The following PLEKHA5 variants were observed in gnomAD, a reference collection of about 807,000 sequenced individuals.
PLEKHA5 encodes pleckstrin homology domain-containing family A member 5.
PLEKHA5 carries 55 observed loss-of-function variants against 181.9 expected under a neutral mutation model. The ratio of observed to expected loss-of-function variants is 0.30; its 90% CI spans 0.24 to 0.38. The LOEUF is 0.38. PLEKHA5 is among the 10% of genes least tolerant of loss of function. The probability of loss-of-function intolerance (pLI) is 1.00; values close to 1 mark genes in which losing one functional copy is unlikely to be tolerated. For missense variants in PLEKHA5, 1,432 were observed against 1,549.5 expected, an observed-to-expected ratio of 0.92 and a Z score of 1.27; for synonymous variants, 535 against 529.4, an observed-to-expected ratio of 1.01 and a Z score of -0.15.
At chr12:19,337,517 C>G (rs2093531798) in intron 21 of PLEKHA5, among the ~76,000 whole-genome samples, 1 of 144,804 alleles carries the variant, frequency 6.9e-6, no homozygotes, top group Non-Finnish European at 1.5e-5. Flanking sequence ...CCACTGTACT[C>G]CAGCCTGAGC....
intron 3 of PLEKHA5, among the ~76,000 whole-genome samples, chr12:19,204,195 AG>A (rs2054850293): frequency 6.6e-6 from 1 of 152,078 alleles, no homozygotes. Context: ...GATTTACAAT[AG>A]GGAAGTAATA....
chr12:19,188,563 T>G (rs4544058), intron 3 of PLEKHA5, among the ~76,000 whole-genome samples: 135,282 of 152,176 alleles, frequency 0.89, 60,946 homozygotes, highest in Non-Finnish European at 0.97. Flanking sequence ...GTTCTGAAAT[T>G]TTATTGATGC....
chr12:19,164,870 C>A (rs1432632614), intron 3 of PLEKHA5, among the ~76,000 whole-genome samples: 1 of 152,064 alleles, frequency 6.6e-6, no homozygotes, highest in Non-Finnish European at 1.5e-5. Context: ...TCCATTTCTA[C>A]TTGCGGATGT....
At chr12:19,261,365 A>G (rs1323468462) in intron 7 of PLEKHA5, among the ~76,000 whole-genome samples, 1 of 152,182 alleles carries the variant, frequency 6.6e-6, no homozygotes, top group Non-Finnish European at 1.5e-5. Context: ...GGGTCCTTCA[A>G]GCACCCAATT....
intron 3 of PLEKHA5, among the ~76,000 whole-genome samples, chr12:19,205,977 A>G (rs1162957527): frequency 6.6e-6 from 1 of 152,134 alleles, no homozygotes; most frequent in Non-Finnish European, 1.5e-5. Flanking sequence ...AATACAGTTG[A>G]TCATATAAAC....
At chr12:19,322,692 A>G (rs372995417) in intron 20 of PLEKHA5, 25 bp downstream of exon 20, 99 of 1,571,630 alleles carry the variant, frequency 6.3e-5, no homozygotes, top group Non-Finnish European at 8.0e-5. Flanking sequence ...TTTTTCCCCT[A>G]ATAAAAGTAG....
At chr12:19,200,571 C>T in intron 3 of PLEKHA5, 1 of 1,236,366 alleles carries the variant, frequency 8.1e-7, no homozygotes. Flanking sequence ...CCTAGTAGAT[C>T]ATACCTTGGA....
chr12:19,230,611 C>T lies in PLEKHA5; in HGVS notation c.228-23329C>T, dbSNP rs949061754. ...CAGCTGCTGGCCTGGGTGCTAAGCC[C>T]CTCACTGCCTGGGGCCAGCAATGCC... On this transcript the variant is annotated intron_variant, in intron 3 of 31. Transcript: ENST00000429027. Among the ~76,000 whole-genome samples the T allele has an allele frequency of 1.4e-4, 22 of 152,196 alleles. 1 individual carries two copies. Among genetic ancestry groups the T allele is most frequent in the Non-Finnish European group, 2.6e-4 (18 of 68,030 alleles).
At chr12:19,131,672 AC>A in intron 2 of PLEKHA5, among the ~76,000 whole-genome samples, 1 of 148,294 alleles carries the variant, frequency 6.7e-6, no homozygotes, top group East Asian at 2.0e-4. Context: ...ATGTGATTTC[AC>A]TTTTTTTTTT....
intron 3 of PLEKHA5, among the ~76,000 whole-genome samples, chr12:19,174,629 T>A (rs1405875345): frequency 6.6e-6 from 1 of 152,180 alleles, no homozygotes; most frequent in Non-Finnish European, 1.5e-5. Context: ...TACTGACCGA[T>A]GAGCTGATAC....
At position 19,344,105 on chromosome 12, in the gene PLEKHA5, G is replaced by A. The variant is rs1351859581; in HGVS notation, c.2662+671G>A. On this transcript the variant is annotated intron_variant, in intron 22 of 31. Transcript: ENST00000429027. ...ATTATAATCTTATGGGACCACTGTC[G>A]TATATGTAGTCTGTTGCTGACCAAA... is the stretch of plus-strand genomic sequence containing the variant. Among the ~76,000 whole-genome samples, 4 of 151,832 alleles carry A rather than the reference G, an allele frequency of 2.6e-5. No individual in the cohort carries two copies. In the South Asian group the frequency reaches 6.2e-4, roughly 24 times the overall value.
intron 3 of PLEKHA5, among the ~76,000 whole-genome samples, chr12:19,139,419 C>T (rs922860437): frequency 1.4e-4 from 22 of 152,114 alleles, no homozygotes; most frequent in African/African-American, 4.3e-4. Flanking sequence ...GCAAACACAA[C>T]CCACTCCCCT....
At chr12:19,137,056 T>C (rs2035858118) in intron 3 of PLEKHA5, among the ~76,000 whole-genome samples, 2 of 152,136 alleles carry the variant, frequency 1.3e-5, no homozygotes, top group South Asian at 4.1e-4. Context: ...TTTTTTTTTT[T>C]CTTTGAGACG....
rs564231907 is a variant in PLEKHA5 at position 19,155,035 on chromosome 12, A to C, written c.227+22585A>C. ...ATGAGGAAAGGGGTGAGAAGCTATA[A>C]GGGAGTCAGAAACGTAGGAAGGAAT... On this transcript the variant is annotated intron_variant, in intron 3 of 31. Transcript: ENST00000429027. Among the ~76,000 whole-genome samples the C allele has an allele frequency of 2.7e-4, 41 of 152,318 alleles. 1 individual carries two copies. The South Asian group carries it at 7.7e-3, about 29-fold the overall frequency.
At chr12:19,307,275 C>A (rs1433747474) in intron 15 of PLEKHA5, 3 of 422,760 alleles carry the variant, frequency 7.1e-6, no homozygotes, top group African/African-American at 2.1e-5. Flanking sequence ...GAGTTCGAGA[C>A]CAACCTGACC....
In PLEKHA5 at chr12:19,270,128, G is replaced by A. The variant is rs542377357; in HGVS notation, c.828-60G>A. 57 of 975,006 alleles carry A rather than the reference G, an allele frequency of 5.8e-5. No individual in the cohort carries two copies. In the South Asian group the frequency reaches 6.1e-4, roughly 10 times the overall value. 60.4% of individuals were successfully genotyped at this position (975,006 alleles called of 1,614,324 possible). A position where few individuals can be genotyped will look rare whatever the true frequency, so the allele number is the denominator to read the frequency against. On this transcript the variant is annotated intron_variant, in intron 9 of 31. Transcript: ENST00000429027. ...TCTTCTTTATTCATTTTCACCTATC[G>A]GTGTACTGGGGTGAATCCAGAATCC...
chr12:19,276,686 C>A (rs1322097874), intron 11 of PLEKHA5, among the ~76,000 whole-genome samples: 2 of 152,228 alleles, frequency 1.3e-5, no homozygotes, highest in South Asian at 2.1e-4. Context: ...TGAAGGAAAT[C>A]AAAAATGACA....
intron 3 of PLEKHA5, among the ~76,000 whole-genome samples, chr12:19,160,731 T>C (rs1403695519): frequency 2.0e-5 from 3 of 152,248 alleles, no homozygotes; most frequent in East Asian, 3.9e-4. Context: ...TTTTCAGCCT[T>C]CTTTTGTCAG....
chr12:19,186,307 A>G (rs1442550809), intron 3 of PLEKHA5, among the ~76,000 whole-genome samples: 4 of 152,204 alleles, frequency 2.6e-5, no homozygotes, highest in Admixed American at 1.3e-4. Context: ...TACTTGATAT[A>G]TAATAAAATA....
Sources: gnomAD v4.1 joint callset for allele counts (sites outside exome capture counted in the v4.1 genomes callset) on GRCh38, gnomAD v4.1.1 for gene constraint, MANE v1.5 for transcripts, NCBI Gene and HGNC (gene_info 2026-07-23, HGNC 2026-07-21) for gene names.